Variants in CGNL1 observed in about 807,000 individuals in gnomAD.
CGNL1 encodes the protein cingulin like 1, also known as cingulin-like protein 1.
In CGNL1, 132 loss-of-function variants were observed where a neutral mutation model predicts 141.2. The observed-to-expected ratio is 0.93, with a 90% CI of 0.81 to 1.08. The LOEUF (loss-of-function observed/expected upper bound fraction) is 1.08, where lower values mean the gene tolerates loss of function less well. Among genes scored for constraint, CGNL1 ranks in the 50% least tolerant of loss-of-function variants. The probability of loss-of-function intolerance (pLI) is 0.00; values close to 1 mark genes in which losing one functional copy is unlikely to be tolerated. For synonymous variants in CGNL1, 690 were observed against 622.1 expected (o/e 1.11, Z -1.63); for missense variants, 1,870 against 1,588.6 (o/e 1.18, Z -3.01).
At chr15:57,409,145 C>T (rs949190842) in intron 1 of CGNL1, among the ~76,000 whole-genome samples, 30 of 152,182 alleles carry the variant, frequency 2.0e-4, no homozygotes, top group African/African-American at 5.8e-4. Flanking sequence ...CACGTGCACA[C>T]GCGTGTGTGC....
chr15:57,414,921 G>A (rs1046164079), intron 1 of CGNL1, among the ~76,000 whole-genome samples: 1 of 152,168 alleles, frequency 6.6e-6, no homozygotes, highest in Non-Finnish European at 1.5e-5. Context: ...ACAGGCTTTG[G>A]GGGTGAGAGA....
chr15:57,468,494 A>T (rs540713125), intron 8 of CGNL1, among the ~76,000 whole-genome samples: 2 of 151,120 alleles, frequency 1.3e-5, no homozygotes, highest in East Asian at 3.9e-4. Context: ...AGCCTCCCAA[A>T]ATGTTGGGGT....
In CGNL1 at chr15:57,427,978, T is replaced by C. The variant is rs1040811605; in HGVS notation, c.-15-10007T>C. Among the ~76,000 whole-genome samples the C allele has an allele frequency of 3.3e-5, 5 of 152,248 alleles. No homozygotes were observed. In the East Asian group the frequency reaches 9.6e-4, roughly 29 times the overall value. The stretch of plus-strand genomic sequence containing the variant: ...TTGTTATGGAAAACCTTGACTTTTT[T>C]TTTTTTCTTTTACATTGTTCACATT... On this transcript the variant is annotated intron_variant, in intron 1 of 18. Coordinates refer to ENST00000281282, the MANE Select transcript of CGNL1 (RefSeq NM_032866.5).
chr15:57,545,557 T>C (rs1357795896), intron 16 of CGNL1, 35 bp from the exon 17 acceptor site: 1 of 1,577,572 alleles, frequency 6.3e-7, no homozygotes, highest in African/African-American at 1.3e-5. Flanking sequence ...GGGATGGGAG[T>C]GAGAGGGTTC....
At chr15:57,419,510 T>G (rs1276153066) in intron 1 of CGNL1, among the ~76,000 whole-genome samples, 7 of 152,196 alleles carry the variant, frequency 4.6e-5, no homozygotes, top group African/African-American at 1.7e-4. Context: ...CTGTGATGCT[T>G]TGAGATATTC....
In CGNL1 at chr15:57,549,834, C is replaced by T. The variant is rs955206437; in HGVS notation, c.*2344C>T. The T allele has an allele frequency of 6.6e-6, 1 of 152,144 alleles. No homozygotes were observed. Among genetic ancestry groups the T allele is most frequent in the Non-Finnish European group, 1.5e-5 (1 of 68,052 alleles). The allele number at this position is 152,144 out of a possible 1,614,324, so 9.4% of individuals were successfully genotyped here. On this transcript the variant is annotated 3_prime_UTR_variant, in exon 19 of 19. Transcript: ENST00000281282. ...CTGGTTCCCTAGAGCTCACTTTGAC[C>T]CTCAATATGTTCATAATTTCCCTGC...
intron 8 of CGNL1, among the ~76,000 whole-genome samples, chr15:57,465,764 C>G (rs2063504402): frequency 6.6e-6 from 1 of 152,214 alleles, no homozygotes; most frequent in South Asian, 2.1e-4. Context: ...ATTCTTACCA[C>G]TGCCCCAGTG....
chr15:57,394,099 C>CTTTTTTTTTTTTTTTTTTTTTTTTTTT (rs1555429893), intron 1 of CGNL1: 1 of 34,154 alleles, frequency 2.9e-5, no homozygotes, highest in Non-Finnish European at 6.0e-5. Context: ...AGGGTAATTT[C>CTTTTTTTTTTTTTTTTTTTTTTTTTTT]TGTTTGTTTT....
intron 12 of CGNL1, among the ~76,000 whole-genome samples, chr15:57,525,764 C>T (rs1215509323): frequency 6.6e-6 from 1 of 152,026 alleles, no homozygotes; most frequent in Non-Finnish European, 1.5e-5. Flanking sequence ...ATATTTATTG[C>T]AGGCTTCTAG....
intron 1 of CGNL1, among the ~76,000 whole-genome samples, chr15:57,416,484 C>T (rs189351696): frequency 6.6e-6 from 1 of 152,316 alleles, no homozygotes. Flanking sequence ...CCAGCATCCT[C>T]TCCTGACCCC....
intron 8 of CGNL1, among the ~76,000 whole-genome samples, chr15:57,463,284 G>A (rs1812319607): frequency 6.6e-6 from 1 of 152,152 alleles, no homozygotes; most frequent in Admixed American, 6.5e-5. Context: ...ATATGTAAGT[G>A]AGGAAAGGAT....
At chr15:57,485,486 C>T (rs1173877828) in intron 8 of CGNL1, among the ~76,000 whole-genome samples, 1 of 152,106 alleles carries the variant, frequency 6.6e-6, no homozygotes, top group Non-Finnish European at 1.5e-5. Context: ...TTATTCACAG[C>T]CTGAGTTATA....
intron 8 of CGNL1, among the ~76,000 whole-genome samples, chr15:57,507,618 A>G (rs2064120800): frequency 1.3e-5 from 2 of 152,234 alleles, no homozygotes; most frequent in African/African-American, 4.8e-5. Flanking sequence ...TGTAAATAAA[A>G]TCTTCATTAA....
chr15:57,396,490 C>T (rs1344786112), intron 1 of CGNL1, among the ~76,000 whole-genome samples: 1 of 152,068 alleles, frequency 6.6e-6, no homozygotes, highest in Non-Finnish European at 1.5e-5. Context: ...CCAGGCTGGT[C>T]TTGAGCTCCT....
chr15:57,493,066 T>A (rs951290626), intron 8 of CGNL1, among the ~76,000 whole-genome samples: 5 of 152,312 alleles, frequency 3.3e-5, no homozygotes, highest in South Asian at 4.2e-4. Flanking sequence ...GAGGTCTGGT[T>A]TGATACCAGG....
chr15:57,511,698 A>G (rs1405494054), intron 8 of CGNL1, among the ~76,000 whole-genome samples: 1 of 152,196 alleles, frequency 6.6e-6, no homozygotes, highest in South Asian at 2.1e-4. Flanking sequence ...TGATGATCCA[A>G]TCTTGAAAAA....
intron 3 of CGNL1, 89 bp from the exon 4 acceptor site, chr15:57,442,284 G>A (rs2063199165): frequency 4.5e-6 from 3 of 667,082 alleles, no homozygotes; most frequent in Non-Finnish European, 5.1e-6. Flanking sequence ...TCTCCTTAAA[G>A]GACCTGTTGG....
At chr15:57,379,995 T>C (rs77159455) in intron 1 of CGNL1, among the ~76,000 whole-genome samples, 4,961 of 152,216 alleles carry the variant, frequency 0.033, 119 homozygotes, top group Non-Finnish European at 0.051. Flanking sequence ...GCCAATATCC[T>C]TGGGGGAGAT....
chr15:57,456,246 C>T (rs2063377890), intron 7 of CGNL1, among the ~76,000 whole-genome samples: 1 of 152,168 alleles, frequency 6.6e-6, no homozygotes, highest in Admixed American at 6.5e-5. Context: ...TTGGAACAAA[C>T]TCTTAACACA....
Sources: gnomAD v4.1 joint callset for allele counts (sites outside exome capture counted in the v4.1 genomes callset) on GRCh38, gnomAD v4.1.1 for gene constraint, MANE v1.5 for transcripts, NCBI Gene and HGNC (gene_info 2026-07-23, HGNC 2026-07-21) for gene names.